The following FRMD4A variants were observed in gnomAD, a reference collection of about 807,000 sequenced individuals.
FRMD4A encodes the protein FERM domain containing 4A.
FRMD4A carries 29 observed loss-of-function variants against 129.1 expected under a neutral mutation model. That is an observed-to-expected ratio of 0.22 (90% confidence interval 0.17 to 0.31). The LOEUF (loss-of-function observed/expected upper bound fraction) is 0.31. Among genes scored for constraint, FRMD4A ranks in the 10% least tolerant of loss-of-function variants. The pLI is 1.00. For missense variants in FRMD4A, 1,272 were observed against 1,375.8 expected, an observed-to-expected ratio of 0.92 and a Z score of 1.19; for synonymous variants, 634 against 571.6, an observed-to-expected ratio of 1.11 and a Z score of -1.56.
chr10:14,267,161 AG>A (rs1845007966), intron 2 of FRMD4A, among the ~76,000 whole-genome samples: 1 of 152,234 alleles, frequency 6.6e-6, no homozygotes, highest in Non-Finnish European at 1.5e-5. Context: ...AGTGAGGTTA[AG>A]AAAGGTATGA....
intron 2 of FRMD4A, among the ~76,000 whole-genome samples, chr10:14,140,885 G>A (rs2131841554): frequency 6.6e-6 from 1 of 152,222 alleles, no homozygotes; most frequent in Admixed American, 6.5e-5. Context: ...CCCAAATAAA[G>A]CAGGGGCTCA....
At chr10:14,171,550 C>A (rs942899772) in intron 2 of FRMD4A, among the ~76,000 whole-genome samples, 1 of 152,216 alleles carries the variant, frequency 6.6e-6, no homozygotes, top group African/African-American at 2.4e-5. Context: ...CTCTCTGCAA[C>A]TGCCTTAATT....
chr10:14,155,947 A>G (rs1186597085), intron 2 of FRMD4A, among the ~76,000 whole-genome samples: 3 of 152,200 alleles, frequency 2.0e-5, no homozygotes, highest in African/African-American at 7.2e-5. Context: ...GAAATAGAAC[A>G]TATTTTAATG....
intron 23 of FRMD4A, chr10:13,653,156 T>G (rs1474091847): frequency 6.6e-6 from 1 of 151,922 alleles, no homozygotes; most frequent in Admixed American, 6.6e-5. Context: ...TCAGTAAGTG[T>G]TAGGACCCTT....
chr10:13,884,196 T>TCTCACACACACTCTCACACACA (rs1491053794), intron 2 of FRMD4A, among the ~76,000 whole-genome samples: 1 of 108,536 alleles, frequency 9.2e-6, no homozygotes, highest in Non-Finnish European at 1.9e-5. Context: ...ACACACACAC[T>TCTCACACACACTCTCACACACA]CACACACACA....
At chr10:13,706,417 C>G (rs2087448605) in intron 13 of FRMD4A, among the ~76,000 whole-genome samples, 1 of 152,148 alleles carries the variant, frequency 6.6e-6, no homozygotes, top group Non-Finnish European at 1.5e-5. Context: ...TTGCATCTGA[C>G]TTAAGAGTAC....
chr10:13,650,905 C>G (rs1056077083), intron 24 of FRMD4A, among the ~76,000 whole-genome samples: 1 of 151,892 alleles, frequency 6.6e-6, no homozygotes, highest in Non-Finnish European at 1.5e-5. Flanking sequence ...TCGAAAGTGA[C>G]CCCCTCATTT....
intron 5 of FRMD4A, among the ~76,000 whole-genome samples, chr10:13,794,184 G>T (rs1005521900): frequency 1.3e-5 from 2 of 152,044 alleles, no homozygotes; most frequent in African/African-American, 4.8e-5. Flanking sequence ...CTGAGGTCAG[G>T]AATTCCAGAC....
At chr10:13,886,084 C>T (rs1271720540) in intron 2 of FRMD4A, among the ~76,000 whole-genome samples, 1 of 152,190 alleles carries the variant, frequency 6.6e-6, no homozygotes, top group African/African-American at 2.4e-5. Flanking sequence ...GGTTTTATCA[C>T]ATCTATATAC....
intron 2 of FRMD4A, among the ~76,000 whole-genome samples, chr10:13,980,269 G>C (rs1167845938): frequency 6.6e-6 from 1 of 152,204 alleles, no homozygotes; most frequent in Non-Finnish European, 1.5e-5. Context: ...TCTCTCCCCA[G>C]GGCCCAGTCC....
intron 15 of FRMD4A, among the ~76,000 whole-genome samples, chr10:13,678,624 T>G (rs1439505633): frequency 2.0e-5 from 3 of 152,218 alleles, no homozygotes; most frequent in Non-Finnish European, 4.4e-5. Context: ...ACACACGTCC[T>G]AGTAGAATTA....
chr10:13,927,947 T>C (rs1165297733), intron 2 of FRMD4A, among the ~76,000 whole-genome samples: 2 of 152,118 alleles, frequency 1.3e-5, no homozygotes, highest in East Asian at 1.9e-4. Context: ...TTTAAAATTA[T>C]AGCTCAATGA....
At chr10:13,657,659 T>TC in intron 21 of FRMD4A, 137 bp from the exon 22 acceptor site, 1 of 1,278,506 alleles carries the variant, frequency 7.8e-7, no homozygotes, top group Admixed American at 3.1e-5. Flanking sequence ...AGCCAGAGTC[T>TC]CACTCAGCAG....
intron 2 of FRMD4A, among the ~76,000 whole-genome samples, chr10:14,167,395 G>A (rs1328821476): frequency 1.3e-5 from 2 of 151,804 alleles, no homozygotes; most frequent in Admixed American, 6.6e-5. Flanking sequence ...AGCCGGGTGT[G>A]GTGGTGCACA....
At chr10:13,830,907 A>G (rs1383972824) in intron 3 of FRMD4A, among the ~76,000 whole-genome samples, 2 of 152,154 alleles carry the variant, frequency 1.3e-5, no homozygotes, top group Admixed American at 1.3e-4. Context: ...CTCATGCCTC[A>G]GCCTCCCAAG....
intron 2 of FRMD4A, among the ~76,000 whole-genome samples, chr10:14,216,978 C>G (rs982239103): frequency 6.6e-6 from 1 of 152,180 alleles, no homozygotes; most frequent in Non-Finnish European, 1.5e-5. Context: ...ATTATACACA[C>G]TGATCCCAAG....
intron 15 of FRMD4A, among the ~76,000 whole-genome samples, chr10:13,678,995 G>T (rs1441524492): frequency 2.0e-5 from 3 of 151,928 alleles, no homozygotes; most frequent in Non-Finnish European, 4.4e-5. Context: ...TAGGACACTC[G>T]AACACATTCC....
chr10:14,125,315 C>G (rs962295366), intron 2 of FRMD4A, among the ~76,000 whole-genome samples: 14 of 152,086 alleles, frequency 9.2e-5, no homozygotes, highest in Non-Finnish European at 1.8e-4. Flanking sequence ...TTTAGATCTG[C>G]CAAAATAATT....
intron 2 of FRMD4A, among the ~76,000 whole-genome samples, chr10:13,901,086 C>G (rs886272367): frequency 6.6e-6 from 1 of 152,162 alleles, no homozygotes; most frequent in Non-Finnish European, 1.5e-5. Flanking sequence ...GATAAGCCAT[C>G]TCAGATCCTA....
Sources: gnomAD v4.1 joint callset for allele counts (sites outside exome capture counted in the v4.1 genomes callset) on GRCh38, gnomAD v4.1.1 for gene constraint, MANE v1.5 for transcripts, NCBI Gene and HGNC (gene_info 2026-07-23, HGNC 2026-07-21) for gene names.